CPVL: variants seen among roughly 807,000 people sequenced by gnomAD.
CPVL encodes the protein probable serine carboxypeptidase CPVL.
CPVL carries 51 observed loss-of-function variants against 63.7 expected under a neutral mutation model. The observed-to-expected ratio is 0.80, with a 90% CI of 0.64 to 1.01. CPVL has a LOEUF of 1.01. Among genes scored for constraint, CPVL ranks in the 50% least tolerant of loss-of-function variants. The pLI is 0.00. For synonymous variants in CPVL, 195 were observed against 206.0 expected, an observed-to-expected ratio of 0.95 and a Z score of 0.46; for missense variants, 530 against 573.1, an observed-to-expected ratio of 0.92 and a Z score of 0.77.
intron 11 of CPVL, among the ~76,000 whole-genome samples, chr7:29,046,720 T>A (rs1447239706): frequency 1.3e-5 from 2 of 151,942 alleles, no homozygotes; most frequent in African/African-American, 4.8e-5. Flanking sequence ...ACAATAACAA[T>A]GTAAATTCTA....
intron 11 of CPVL, among the ~76,000 whole-genome samples, chr7:29,051,476 C>G (rs1157754027): frequency 6.6e-6 from 1 of 151,982 alleles, no homozygotes; most frequent in African/African-American, 2.4e-5. Flanking sequence ...ATACAAATGG[C>G]CAACAAATAT....
At chr7:29,044,526 G>C (rs73097995) in intron 11 of CPVL, among the ~76,000 whole-genome samples, 14,441 of 152,068 alleles carry the variant, frequency 0.095, 769 homozygotes, top group Middle Eastern at 0.17. Flanking sequence ...GATGGTGGTG[G>C]GCACACACTG....
Position 29,033,595 on chromosome 7 carries a change from G to A in CPVL, c.1138-2836C>T, listed in dbSNP as rs1170727579. Among the ~76,000 whole-genome samples, 4 of 152,222 alleles carry A rather than the reference G, an allele frequency of 2.6e-5. 1 individual carries two copies. Among genetic ancestry groups the A allele is most frequent in the Admixed American group, 2.0e-4 (3 of 15,282 alleles). On this transcript the variant is annotated intron_variant, in intron 11 of 12. Transcript: ENST00000265394. The stretch of plus-strand genomic sequence containing the variant: ...TGGAGCAAACTTACCCCTAAGGCTT[G>A]CTGGTATTTTAAGCAACAAGGTCTA...
chr7:29,138,336 A>C (rs1043710673), intron 1 of CPVL, among the ~76,000 whole-genome samples: 22 of 152,208 alleles, frequency 1.4e-4, no homozygotes, highest in Non-Finnish European at 1.6e-4. Context: ...GCTATTCAGG[A>C]GGCTGAGGTG....
At chr7:29,191,288 C>G (rs756017592) in intron 1 of CPVL, among the ~76,000 whole-genome samples, 1 of 152,150 alleles carries the variant, frequency 6.6e-6, no homozygotes, top group Non-Finnish European at 1.5e-5. Flanking sequence ...TAAAATAAGA[C>G]AGAGCATGAG....
At chr7:29,043,076 A>T (rs1470802224) in intron 11 of CPVL, among the ~76,000 whole-genome samples, 2 of 152,170 alleles carry the variant, frequency 1.3e-5, no homozygotes, top group Non-Finnish European at 2.9e-5. Flanking sequence ...CACACATCCA[A>T]AGAACCAGAA....
Position 29,065,836 on chromosome 7 carries a change from G to T in CPVL, c.963+187C>A, listed in dbSNP as rs540694222. ...TCTGAAATATCACACATTCTCAGTG[G>T]TCAGATTATAACGTATACAACACTG... On this transcript the variant is annotated intron_variant, in intron 10 of 12. Coordinates refer to ENST00000265394, the MANE Select transcript of CPVL (RefSeq NM_031311.5). Among the ~76,000 whole-genome samples the T allele has an allele frequency of 3.3e-5, 5 of 152,206 alleles. No individual in the cohort carries two copies. The South Asian group carries it at 1.0e-3, about 32-fold the overall frequency.
In CPVL at chr7:28,995,873, G is replaced by A. The variant is rs201351381; in HGVS notation, c.1330C>T (p.Arg444Ter). Residue 444 changes from arginine to a stop codon, truncating the protein, a stop_gained, in exon 13 of 13, where the codon CGA becomes TGA. Transcript: ENST00000265394. LOFTEE classifies it high-confidence loss of function. ...QAGDFHQVII[R>*]GGGHILPYDQ... ...TAGGGTAAAATATGTCCTCCACCTC[G>A]AATAATTACCTTAAAAAGAAAAAGT... is the stretch of plus-strand genomic sequence containing the variant. The A allele has an allele frequency of 5.8e-5, 91 of 1,565,498 alleles. No individual in the cohort carries two copies. The East Asian group carries it at 1.9e-3, about 32-fold the overall frequency.
At chr7:29,119,261 C>A (rs928776664) in intron 2 of CPVL, among the ~76,000 whole-genome samples, 32 of 152,144 alleles carry the variant, frequency 2.1e-4, no homozygotes, top group African/African-American at 6.0e-4. Flanking sequence ...CCAAGGCAGG[C>A]AGATGACTTG....
intron 11 of CPVL, 91 bp downstream of exon 11, chr7:29,063,966 TAAAA>T (rs373756974): frequency 1.3e-5 from 9 of 691,864 alleles, no homozygotes; most frequent in Non-Finnish European, 1.9e-5. Context: ...TCATAAAAGT[TAAAA>T]AAAAAAAAAA....
In CPVL at chr7:29,162,899, T is replaced by A. The variant is rs1180564265; in HGVS notation, c.-11+18391A>T. ...TCCTGTATGTTGGTTGTGATTGTGCTTAAACAATTCTGTACATGTGATAAA... is the reference window on the plus strand; with the variant it reads ...TCCTGTATGTTGGTTGTGATTGTGCATAAACAATTCTGTACATGTGATAAA... On this transcript the variant is annotated intron_variant, in intron 5 of 16. Transcript: ENST00000409850. Among the ~76,000 whole-genome samples the A allele has an allele frequency of 2.0e-5, 3 of 152,196 alleles. No individual in the cohort carries two copies. In the East Asian group the frequency reaches 5.8e-4, roughly 29 times the overall value.
intron 5 of CPVL, among the ~76,000 whole-genome samples, chr7:29,158,964 G>A (rs567077412): frequency 7.2e-5 from 11 of 152,260 alleles, no homozygotes; most frequent in East Asian, 3.9e-4. Flanking sequence ...GATACCCTGC[G>A]GCAATCGAAA....
rs751185089 is a variant in CPVL at position 29,121,075 on chromosome 7, G to C, written c.-10-4C>G. The C allele has an allele frequency of 2.6e-6, 4 of 1,563,186 alleles. No individual in the cohort carries two copies. The Admixed American group carries it at 8.5e-5, about 33-fold the overall frequency. On this transcript the variant is annotated splice_polypyrimidine_tract_variant and splice_region_variant and intron_variant, in intron 1 of 12. Coordinates refer to ENST00000265394, the MANE Select transcript of CPVL (RefSeq NM_031311.5). ...GGCACCAACCATCTCTCAGGGTCTA[G>C]GATAAAAACAGCATTCCAAAAATGA...
intron 1 of CPVL, chr7:29,122,401 G>A (rs1789475621): frequency 6.6e-6 from 1 of 152,252 alleles, no homozygotes; most frequent in Non-Finnish European, 1.5e-5. Flanking sequence ...ACAGGCCAGG[G>A]TGATCAGACA....
At chr7:29,140,863 T>C (rs979684022) in intron 1 of CPVL, among the ~76,000 whole-genome samples, 2 of 152,036 alleles carry the variant, frequency 1.3e-5, no homozygotes, top group African/African-American at 2.4e-5. Context: ...TAAGTGAAAA[T>C]AGAGCTTTTC....
intron 5 of CPVL, among the ~76,000 whole-genome samples, chr7:29,176,857 TTGGTCAGAA>T (rs1402921426): frequency 1.3e-5 from 2 of 152,184 alleles, no homozygotes; most frequent in Admixed American, 1.3e-4. Context: ...TCTTTCATCA[TTGGTCAGAA>T]TGGTAAGAAT....
chr7:29,107,598 A>G (rs751108670), intron 3 of CPVL, among the ~76,000 whole-genome samples: 71 of 152,324 alleles, frequency 4.7e-4, no homozygotes, highest in Non-Finnish European at 8.4e-4. Context: ...ATTCCAGCCC[A>G]TTGACTGGCT....
intron 2 of CPVL, among the ~76,000 whole-genome samples, chr7:29,120,672 T>A (rs2128640551): frequency 6.6e-6 from 1 of 151,650 alleles, no homozygotes; most frequent in Non-Finnish European, 1.5e-5. Flanking sequence ...AATACAAAAA[T>A]TATCTGGGCA....
At chr7:29,120,818 C>CAAA (rs375039373) in intron 2 of CPVL, 75 bp downstream of exon 2, 676 of 988,664 alleles carry the variant, frequency 6.8e-4, no homozygotes, top group Admixed American at 1.3e-3. Context: ...GACTTCGTCT[C>CAAA]AAAAAAAAAA....
Sources: allele counts gnomAD v4.1 joint callset (sites outside exome capture counted in the v4.1 genomes callset), GRCh38; gene constraint gnomAD v4.1.1; transcripts MANE v1.5; gene names NCBI Gene and HGNC (gene_info 2026-07-23, HGNC 2026-07-21).